DAB1: variants seen among roughly 807,000 people sequenced by gnomAD.
The protein encoded by DAB1 is disabled homolog 1.
DAB1 carries 15 observed loss-of-function variants against 64.6 expected under a neutral mutation model. That is an observed-to-expected ratio of 0.23 (90% confidence interval 0.16 to 0.36). The LOEUF is 0.36. Ranked by LOEUF, DAB1 falls within the 10% of genes least tolerant of loss-of-function variation. The probability of loss-of-function intolerance (pLI) is 1.00; values close to 1 mark genes in which losing one functional copy is unlikely to be tolerated. For missense variants in DAB1, 596 were observed against 706.7 expected (o/e 0.84, Z 1.78); for synonymous variants, 235 against 251.9 (o/e 0.93, Z 0.64).
chr1:57,594,736 A>G (rs1312872225), intron 7 of DAB1, among the ~76,000 whole-genome samples: 1 of 152,144 alleles, frequency 6.6e-6, no homozygotes, highest in Non-Finnish European at 1.5e-5. Context: ...TTAGAGACAG[A>G]GTCTTGCTCT....
At chr1:58,029,254 T>A (rs1446141969) in intron 5 of DAB1, among the ~76,000 whole-genome samples, 2 of 152,172 alleles carry the variant, frequency 1.3e-5, no homozygotes, top group Non-Finnish European at 2.9e-5. Context: ...CAATGCAGCC[T>A]CAGTGGGATT....
chr1:57,700,596 C>G (rs1347970587), intron 6 of DAB1, among the ~76,000 whole-genome samples: 3 of 152,172 alleles, frequency 2.0e-5, no homozygotes, highest in Non-Finnish European at 4.4e-5. Context: ...TTTCTCTTCT[C>G]TTTCTGCTTT....
chr1:57,888,428 T>C (rs1179184778), upstream of DAB1, among the ~76,000 whole-genome samples: 1 of 152,154 alleles, frequency 6.6e-6, no homozygotes, highest in Non-Finnish European at 1.5e-5. Context: ...GCACCTTCCA[T>C]TGTGGAAGTC....
chr1:57,997,769 C>T (rs928831571), intron 5 of DAB1, among the ~76,000 whole-genome samples: 7 of 151,992 alleles, frequency 4.6e-5, no homozygotes, highest in Non-Finnish European at 4.4e-5. Context: ...GAATCAGAAT[C>T]ATTTAGTTTC....
intron 4 of DAB1, among the ~76,000 whole-genome samples, chr1:58,265,106 A>G (rs10493248): frequency 0.022 from 3,422 of 152,248 alleles, 256 homozygotes; most frequent in East Asian, 0.22. Context: ...AGAAAGTTAG[A>G]ATTGAGTAGA....
At chr1:58,268,367 C>A (rs1040603007) in intron 4 of DAB1, among the ~76,000 whole-genome samples, 1 of 151,920 alleles carries the variant, frequency 6.6e-6, no homozygotes, top group Non-Finnish European at 1.5e-5. Context: ...AATTATAGGT[C>A]ATATATAATT....
chr1:57,241,974 C>T (rs1170495748), intron 2 of DAB1, among the ~76,000 whole-genome samples: 2 of 152,144 alleles, frequency 1.3e-5, no homozygotes, highest in Non-Finnish European at 2.9e-5. Context: ...AGTCATTTCC[C>T]CCATTCCTAT....
intron 4 of DAB1, among the ~76,000 whole-genome samples, chr1:58,315,471 C>A (rs1258600156): frequency 1.3e-5 from 2 of 152,136 alleles, no homozygotes; most frequent in African/African-American, 4.8e-5. Flanking sequence ...AACAAACATT[C>A]CCTGAGCAAT....
At chr1:58,321,783 C>T (rs1232677927) in intron 4 of DAB1, among the ~76,000 whole-genome samples, 1 of 152,266 alleles carries the variant, frequency 6.6e-6, no homozygotes, top group Non-Finnish European at 1.5e-5. Context: ...GCGGAGCCCA[C>T]TGCAGCTCTG....
At chr1:58,511,260 T>C (rs184595125) in intron 2 of DAB1, among the ~76,000 whole-genome samples, 13 of 152,250 alleles carry the variant, frequency 8.5e-5, no homozygotes, top group Admixed American at 8.5e-4. Flanking sequence ...CAGTATAGTA[T>C]TAGCAGAAAG....
intron 2 of DAB1, among the ~76,000 whole-genome samples, chr1:57,182,098 G>C (rs1663018527): frequency 6.6e-6 from 1 of 152,086 alleles, no homozygotes; most frequent in Admixed American, 6.6e-5. Flanking sequence ...TGTTAGCCAG[G>C]ATAGTCTCGA....
At chr1:57,177,803 CCAAAG>C (rs1221316947) in intron 2 of DAB1, among the ~76,000 whole-genome samples, 4 of 152,130 alleles carry the variant, frequency 2.6e-5, no homozygotes, top group African/African-American at 9.7e-5. Flanking sequence ...TTCTTCACCT[CCAAAG>C]CAATAAAATA....
intron 7 of DAB1, among the ~76,000 whole-genome samples, chr1:57,633,905 G>A (rs560646751): frequency 2.0e-5 from 3 of 152,164 alleles, no homozygotes; most frequent in Non-Finnish European, 4.4e-5. Flanking sequence ...GTCATATAAC[G>A]TTTGTCAATA....
chr1:58,344,396 C>T (rs1643971410), intron 3 of DAB1, among the ~76,000 whole-genome samples: 1 of 152,028 alleles, frequency 6.6e-6, no homozygotes, highest in East Asian at 1.9e-4. Flanking sequence ...TTGAACTGTG[C>T]CAGGGACATA....
intron 1 of DAB1, chr1:58,546,597 C>G (rs1470297273): frequency 6.6e-6 from 1 of 152,472 alleles, no homozygotes. Context: ...GGCGCCCCCG[C>G]AGGCGCTCTG....
intron 6 of DAB1, among the ~76,000 whole-genome samples, chr1:57,792,665 C>T (rs188418387): frequency 6.6e-6 from 1 of 152,276 alleles, no homozygotes; most frequent in Admixed American, 6.5e-5. Flanking sequence ...TCTCTATTCT[C>T]CTGAAACCTT....
chr1:57,409,416 T>A (rs184814713), intron 1 of DAB1, among the ~76,000 whole-genome samples: 12 of 152,224 alleles, frequency 7.9e-5, no homozygotes, highest in African/African-American at 2.9e-4. Context: ...CATGGTAGTG[T>A]GGCTGTTATG....
chr1:57,620,810 G>T (rs952117528), intron 7 of DAB1, among the ~76,000 whole-genome samples: 1 of 152,172 alleles, frequency 6.6e-6, no homozygotes, highest in Admixed American at 6.5e-5. Context: ...TGGAAGCAGG[G>T]GGGCAGCGCG....
chr1:58,192,001 A>G (rs1179977517), intron 4 of DAB1, among the ~76,000 whole-genome samples: 3 of 152,218 alleles, frequency 2.0e-5, no homozygotes, highest in Non-Finnish European at 4.4e-5. Flanking sequence ...GAAAGGGAGT[A>G]TTATTATTCC....
Sources: gnomAD v4.1 joint callset for allele counts (sites outside exome capture counted in the v4.1 genomes callset) on GRCh38, gnomAD v4.1.1 for gene constraint, MANE v1.5 for transcripts, NCBI Gene and HGNC (gene_info 2026-07-23, HGNC 2026-07-21) for gene names.